Variants in MARCHF3 observed in about 807,000 individuals in gnomAD.
MARCHF3 encodes E3 ubiquitin-protein ligase MARCHF3.
Under a neutral mutation model 24.2 loss-of-function variants are expected in MARCHF3, and 13 were observed. The ratio of observed to expected loss-of-function variants is 0.54; its 90% CI spans 0.35 to 0.85. The LOEUF (loss-of-function observed/expected upper bound fraction) is 0.85. Ranked by LOEUF, MARCHF3 falls within the 40% of genes least tolerant of loss-of-function variation. The pLI is 0.01. For synonymous variants in MARCHF3, 144 were observed against 137.3 expected, an observed-to-expected ratio of 1.05 and a Z score of -0.34; for missense variants, 276 against 325.0, an observed-to-expected ratio of 0.85 and a Z score of 1.16.
intron 1 of MARCHF3, among the ~76,000 whole-genome samples, chr5:126,952,954 G>C (rs192295891): frequency 1.7e-4 from 26 of 152,246 alleles, no homozygotes; most frequent in Non-Finnish European, 3.1e-4. Context: ...GATATTATTT[G>C]CTTCAGAACC....
intron 1 of MARCHF3, among the ~76,000 whole-genome samples, chr5:126,953,680 C>T (rs1005555139): frequency 6.6e-6 from 1 of 152,206 alleles, no homozygotes; most frequent in African/African-American, 2.4e-5. Context: ...ATTAGCATCA[C>T]ATCTTTATCT....
intron 1 of MARCHF3, among the ~76,000 whole-genome samples, chr5:126,997,020 T>C (rs1433507377): frequency 1.3e-5 from 2 of 152,200 alleles, no homozygotes; most frequent in Non-Finnish European, 2.9e-5. Context: ...ATTTATACCC[T>C]TAACAAATAG....
At chr5:127,019,759 G>A (rs967364865) in intron 1 of MARCHF3, among the ~76,000 whole-genome samples, 1 of 152,176 alleles carries the variant, frequency 6.6e-6, no homozygotes, top group Non-Finnish European at 1.5e-5. Flanking sequence ...TTTCGCATGA[G>A]ATAATACACG....
At chr5:126,943,200 A>T (rs1749890163) in intron 1 of MARCHF3, among the ~76,000 whole-genome samples, 1 of 152,192 alleles carries the variant, frequency 6.6e-6, no homozygotes, top group South Asian at 2.1e-4. Context: ...AGGCTGAGTC[A>T]GAAGAATCAC....
intron 1 of MARCHF3, among the ~76,000 whole-genome samples, chr5:127,014,973 T>C (rs996674671): frequency 2.6e-5 from 4 of 152,182 alleles, no homozygotes; most frequent in Non-Finnish European, 4.4e-5. Context: ...ACAAAAGATA[T>C]ATTAAATGTT....
At chr5:126,916,688 G>GACAC (rs756972169) in intron 2 of MARCHF3, among the ~76,000 whole-genome samples, 1,440 of 76,276 alleles carry the variant, frequency 0.019, 8 homozygotes, top group East Asian at 0.096. Context: ...CAGACAGACA[G>GACAC]ACAGACACAC....
Position 126,871,480 on chromosome 5 carries a change from C to T in MARCHF3, c.604-689G>A, listed in dbSNP as rs572382513. ...GGGTGCCCACTGTGCCTCAAGCTTACCCACATGGCACTGAGTGTCCTGAAC... is the reference window on the plus strand; with the variant it reads ...GGGTGCCCACTGTGCCTCAAGCTTATCCACATGGCACTGAGTGTCCTGAAC... On this transcript the variant is annotated intron_variant, in intron 4 of 4. Transcript: ENST00000308660. Among the ~76,000 whole-genome samples, 182 of 152,302 alleles carry T rather than the reference C, an allele frequency of 1.2e-3. 1 individual carries two copies. Among genetic ancestry groups the T allele is most frequent in the Non-Finnish European group, 2.9e-5 (2 of 68,026 alleles).
intron 1 of MARCHF3, among the ~76,000 whole-genome samples, chr5:127,002,923 A>G (rs1752175585): frequency 6.6e-6 from 1 of 152,184 alleles, no homozygotes; most frequent in Non-Finnish European, 1.5e-5. Flanking sequence ...AGCTGTTACT[A>G]CAATAGTGTA....
intron 1 of MARCHF3, among the ~76,000 whole-genome samples, chr5:126,977,107 C>T (rs1275479334): frequency 5.3e-5 from 8 of 152,218 alleles, no homozygotes; most frequent in African/African-American, 1.7e-4. Context: ...CAGAGCTCTG[C>T]TCTAGGGCAA....
intron 1 of MARCHF3, among the ~76,000 whole-genome samples, chr5:126,987,557 C>T (rs1276444528): frequency 1.3e-5 from 2 of 152,146 alleles, no homozygotes; most frequent in East Asian, 1.9e-4. Flanking sequence ...ATTTCTCTGT[C>T]TTTCTTTCAC....
chr5:126,974,985 T>C (rs1751145735), intron 1 of MARCHF3, among the ~76,000 whole-genome samples: 1 of 152,138 alleles, frequency 6.6e-6, no homozygotes, highest in South Asian at 2.1e-4. Context: ...TGAGATGGAG[T>C]CTCGCTCTGT....
intron 1 of MARCHF3, among the ~76,000 whole-genome samples, chr5:126,996,878 A>G (rs755155515): frequency 1.3e-5 from 2 of 152,222 alleles, no homozygotes; most frequent in Non-Finnish European, 2.9e-5. Context: ...GCAGAAGAGT[A>G]TATGTAATAG....
intron 1 of MARCHF3, among the ~76,000 whole-genome samples, chr5:126,933,417 T>TG (rs1289053793): frequency 6.6e-6 from 1 of 152,006 alleles, no homozygotes; most frequent in Admixed American, 6.6e-5. Context: ...AATTTTCCGC[T>TG]GTATGCCTGT....
chr5:126,893,063 T>C (rs541318727), intron 3 of MARCHF3, among the ~76,000 whole-genome samples: 5 of 152,128 alleles, frequency 3.3e-5, no homozygotes, highest in African/African-American at 1.2e-4. Context: ...CTAGATTTTC[T>C]AGTTTATTTG....
intron 1 of MARCHF3, among the ~76,000 whole-genome samples, chr5:126,938,207 G>A (rs1284352352): frequency 1.6e-5 from 2 of 128,074 alleles, no homozygotes; most frequent in Admixed American, 9.5e-5. Context: ...TTGCTCTGCC[G>A]CCCAGGCTGG....
At chr5:127,018,091 C>A (rs1169474583) in intron 1 of MARCHF3, among the ~76,000 whole-genome samples, 2 of 152,210 alleles carry the variant, frequency 1.3e-5, no homozygotes, top group South Asian at 4.1e-4. Context: ...GATTGTGAAG[C>A]CACGTGCGGC....
At chr5:126,935,630 G>A (rs1305201125) in intron 1 of MARCHF3, among the ~76,000 whole-genome samples, 2 of 55,358 alleles carry the variant, frequency 3.6e-5, no homozygotes, top group Non-Finnish European at 7.5e-5. Flanking sequence ...TTTTTTTTGA[G>A]ACGGAGTTTT....
At chr5:126,880,822 G>A (rs937178165) in intron 3 of MARCHF3, among the ~76,000 whole-genome samples, 1 of 152,188 alleles carries the variant, frequency 6.6e-6, no homozygotes, top group Middle Eastern at 3.2e-3. Flanking sequence ...ACTCTTCTCT[G>A]TACTTCCATT....
At chr5:126,893,241 C>G (rs1171139636) in intron 3 of MARCHF3, among the ~76,000 whole-genome samples, 2 of 151,832 alleles carry the variant, frequency 1.3e-5, no homozygotes, top group African/African-American at 4.8e-5. Context: ...AAAAAACCAG[C>G]TCCTGGATTC....
Sources: gnomAD v4.1 joint callset for allele counts (sites outside exome capture counted in the v4.1 genomes callset) on GRCh38, gnomAD v4.1.1 for gene constraint, MANE v1.5 for transcripts, NCBI Gene and HGNC (gene_info 2026-07-23, HGNC 2026-07-21) for gene names.